TCERG1: variants seen among roughly 807,000 people sequenced by gnomAD.
The protein encoded by TCERG1 is transcription elongation regulator 1.
TCERG1 carries 37 observed loss-of-function variants against 144.7 expected under a neutral mutation model. The ratio of observed to expected loss-of-function variants is 0.26; its 90% CI spans 0.20 to 0.34. The LOEUF (loss-of-function observed/expected upper bound fraction) is 0.34. Among genes scored for constraint, TCERG1 ranks in the 10% least tolerant of loss-of-function variants. TCERG1 has a pLI of 1.00. For missense variants in TCERG1, 1,027 were observed against 1,380.7 expected, an observed-to-expected ratio of 0.74 and a Z score of 4.06; for synonymous variants, 492 against 458.2, an observed-to-expected ratio of 1.07 and a Z score of -0.94.
intron 15 of TCERG1, among the ~76,000 whole-genome samples, chr5:146,487,626 T>C (rs890735234): frequency 2.0e-5 from 3 of 151,788 alleles, no homozygotes; most frequent in Non-Finnish European, 2.9e-5. Context: ...TCCAAGCTAC[T>C]TGGGAGACTA....
In TCERG1 at chr5:146,478,512, G is replaced by A. The variant is rs1472919709; in HGVS notation, c.1621G>A (p.Asp541Asn). 6.2e-7 allele frequency: 1 copy of A among 1,602,696 alleles called. No individual in the cohort carries two copies. ...GTPWCVVWTG[D>N]ERVFFYNPTT... is the part of the protein sequence containing the mutation. Reference sequence around the variant, plus strand: ...TCTTAGGTGTGTCGTTTGGACTGGTGATGAGCGGGTCTTCTTTTATAATCC... The same window carrying A: ...TCTTAGGTGTGTCGTTTGGACTGGTAATGAGCGGGTCTTCTTTTATAATCC... The change falls in exon 10 of 23, where the codon GAT becomes AAT. Residue 541 changes from aspartate (D) to asparagine (N), a missense_variant. Physicochemically the swap from Asp to Asn is conservative, Grantham distance 23. Transcript: ENST00000679501.
At chr5:146,451,740 C>A (rs1448141256) in intron 1 of TCERG1, among the ~76,000 whole-genome samples, 1 of 141,020 alleles carries the variant, frequency 7.1e-6, no homozygotes, top group African/African-American at 2.6e-5. Flanking sequence ...CCTGGTTATA[C>A]CAGGACTGTA....
intron 15 of TCERG1, among the ~76,000 whole-genome samples, chr5:146,490,645 T>G (rs1000660638): frequency 6.6e-6 from 1 of 152,204 alleles, no homozygotes; most frequent in Non-Finnish European, 1.5e-5. Flanking sequence ...GAAGGGTCTA[T>G]TGTGCTCAGT....
chr5:146,466,251 A>G (rs532448904), intron 5 of TCERG1, among the ~76,000 whole-genome samples: 93 of 152,144 alleles, frequency 6.1e-4, no homozygotes, highest in Non-Finnish European at 1.1e-3. Context: ...CAATTCAGCA[A>G]TAAGGTGAAT....
chr5:146,489,297 C>T (rs1243382647), intron 15 of TCERG1, among the ~76,000 whole-genome samples: 1 of 152,110 alleles, frequency 6.6e-6, no homozygotes, highest in African/African-American at 2.4e-5. Context: ...TTCGATTGCA[C>T]ATGTATTGAA....
chr5:146,448,190 G>T (rs1264122870), intron 1 of TCERG1, among the ~76,000 whole-genome samples: 1 of 152,214 alleles, frequency 6.6e-6, no homozygotes, highest in African/African-American at 2.4e-5. Context: ...GGTTGAGTCA[G>T]TAGAATAAGA....
chr5:146,497,542 C>T (rs1767044538), intron 16 of TCERG1, among the ~76,000 whole-genome samples: 1 of 152,152 alleles, frequency 6.6e-6, no homozygotes, highest in African/African-American at 2.4e-5. Context: ...TTCTATGGAT[C>T]ACGTTTCTTT....
At chr5:146,470,532 T>C in intron 7 of TCERG1, 104 bp from the exon 8 acceptor site, 1 of 892,232 alleles carries the variant, frequency 1.1e-6, no homozygotes, top group Non-Finnish European at 1.7e-6. Flanking sequence ...TTTATCTTCA[T>C]GGTTAATACT....
rs201014111 is a variant in TCERG1 at position 146,469,579 on chromosome 5, A to G, written c.1234A>G (p.Met412Val). 9.4e-5 allele frequency: 152 copies of G among 1,612,430 alleles called. No individual in the cohort carries two copies. Among genetic ancestry groups the G allele is most frequent in the South Asian group, 4.5e-4 (41 of 90,868 alleles). ...LPGMAPPIVPMIHPQVAIAAS... is the reference protein window; with the variant it reads ...LPGMAPPIVPVIHPQVAIAAS... The stretch of plus-strand genomic sequence containing the variant: ...AGGAATGGCCCCTCCTATCGTACCC[A>G]TGATACATCCCCAGGTTGCTATTGC... Residue 412 changes from methionine to valine, a missense_variant, in exon 7 of 23, where the codon ATG becomes GTG. By Grantham distance (21) the Met-to-Val change is conservative (BLOSUM62 1). Around this residue, in one of 6 missense-constraint regions of TCERG1, gnomAD observed 482 missense variants for 632.6 expected, o/e 0.76. Transcript: ENST00000679501.
In TCERG1 at chr5:146,476,446, C is replaced by A. The variant is rs1020533718; in HGVS notation, c.1602-2047C>A. On this transcript the variant is annotated intron_variant, in intron 9 of 22. Coordinates refer to ENST00000679501, the MANE Select transcript of TCERG1 (RefSeq NM_001382548.1). ...TTACTGAAGATAGTTTTTGTTGTTG[C>A]TCTAGGAATGTATAATCAAATTACT... Among the ~76,000 whole-genome samples the A allele has an allele frequency of 5.9e-5, 9 of 152,168 alleles. No homozygotes were observed. The East Asian group carries it at 1.7e-3, about 29-fold the overall frequency.
At chr5:146,447,671 C>T (rs1761987819) in intron 1 of TCERG1, among the ~76,000 whole-genome samples, 2 of 152,260 alleles carry the variant, frequency 1.3e-5, no homozygotes, top group South Asian at 2.1e-4. Flanking sequence ...GGCCTGCAGC[C>T]CTCTGGCCGG....
chr5:146,503,313 A>C (rs1056921934), intron 17 of TCERG1, 62 bp from the exon 18 acceptor site: 7 of 1,491,034 alleles, frequency 4.7e-6, no homozygotes, highest in Non-Finnish European at 6.4e-6. Flanking sequence ...TATTTAAGAT[A>C]TGATGAATTT....
Position 146,459,039 on chromosome 5 carries a change from GGCCCAGGCACAA to G in TCERG1, c.597_608del (p.Ala239_Gln242del). 2 of 1,610,564 alleles carry G rather than the reference GGCCCAGGCACAA, an allele frequency of 1.2e-6. No individual in the cohort carries two copies. The highest frequency in any genetic ancestry group is 1.7e-6 in the Non-Finnish European group (2 of 1,177,456). On this transcript the variant is annotated inframe_deletion, in exon 4 of 23. Transcript: ENST00000679501. ...AGGCTCAGGCCCAGGCGCAGGCTCA[GGCCCAGGCACAA>G]GCTCAGGCCCAGGCTCAGGCTCAGG... is the stretch of plus-strand genomic sequence containing the variant.
chr5:146,464,638 C>CCATG (rs1218227944), intron 5 of TCERG1, among the ~76,000 whole-genome samples: 1 of 152,136 alleles, frequency 6.6e-6, no homozygotes, highest in African/African-American at 2.4e-5. Flanking sequence ...AATCCTTGAT[C>CCATG]CATGGTTCAT....
intron 2 of TCERG1, among the ~76,000 whole-genome samples, chr5:146,455,915 C>T (rs777489764): frequency 1.3e-5 from 2 of 152,186 alleles, no homozygotes; most frequent in Non-Finnish European, 2.9e-5. Flanking sequence ...GAGGTGAGGT[C>T]ATGAAGGTAT....
intron 16 of TCERG1, among the ~76,000 whole-genome samples, chr5:146,493,870 C>G (rs1025177300): frequency 2.6e-5 from 4 of 152,002 alleles, no homozygotes; most frequent in African/African-American, 9.7e-5. Context: ...TATTCTAAAA[C>G]TGTCGGGTAG....
At chr5:146,465,393 A>G (rs1459653927) in intron 5 of TCERG1, among the ~76,000 whole-genome samples, 1 of 152,182 alleles carries the variant, frequency 6.6e-6, no homozygotes, top group East Asian at 1.9e-4. Flanking sequence ...TATTAGGACT[A>G]ATGGATGAAA....
At chr5:146,509,829 TG>T (rs1329136983) in intron 22 of TCERG1, among the ~76,000 whole-genome samples, 3 of 152,222 alleles carry the variant, frequency 2.0e-5, no homozygotes, top group Non-Finnish European at 4.4e-5. Context: ...AATTTCGCAT[TG>T]CTTACCAGTC....
chr5:146,466,230 GC>G (rs1293252082), intron 5 of TCERG1, among the ~76,000 whole-genome samples: 1 of 151,908 alleles, frequency 6.6e-6, no homozygotes, highest in East Asian at 1.9e-4. Flanking sequence ...CCTGGTTTTT[GC>G]CTTTTAATTC....
Sources: gnomAD v4.1 joint callset for allele counts (sites outside exome capture counted in the v4.1 genomes callset) on GRCh38, gnomAD v4.1.1 for gene constraint, gnomAD v4.1.1 regional missense constraint, MANE v1.5 for transcripts, NCBI Gene and HGNC (gene_info 2026-07-23, HGNC 2026-07-21) for gene names.